The following POLR3A variants were observed in gnomAD, a reference collection of about 807,000 sequenced individuals.
POLR3A encodes the protein DNA-directed RNA polymerase III subunit RPC1.
Under a neutral mutation model 152.8 loss-of-function variants are expected in POLR3A, and 112 were observed. The observed-to-expected ratio is 0.73, with a 90% CI of 0.63 to 0.86. The LOEUF (loss-of-function observed/expected upper bound fraction) is 0.86. Among genes scored for constraint, POLR3A ranks in the 40% least tolerant of loss-of-function variants. The probability of loss-of-function intolerance (pLI) is 0.00; values close to 1 mark genes in which losing one functional copy is unlikely to be tolerated. For missense variants in POLR3A, 1,385 were observed against 1,743.1 expected (o/e 0.79, Z 3.66); for synonymous variants, 615 against 652.1 (o/e 0.94, Z 0.87).
intron 4 of POLR3A, 77 bp downstream of exon 4, chr10:78,024,894 T>C (rs997311915): frequency 3.2e-6 from 5 of 1,562,020 alleles, no homozygotes; most frequent in Non-Finnish European, 4.4e-6. Context: ...TCCCGAACAT[T>C]ATGTAAACCT....
chr10:77,998,085 A>G (rs945913159), intron 19 of POLR3A, among the ~76,000 whole-genome samples: 46 of 152,294 alleles, frequency 3.0e-4, no homozygotes, highest in African/African-American at 9.9e-4. Flanking sequence ...GGTGCTGGGA[A>G]AACTGGGTAG....
intron 15 of POLR3A, 27 bp from the exon 16 acceptor site, chr10:78,004,915 A>G: frequency 1.2e-6 from 2 of 1,607,060 alleles, no homozygotes; most frequent in East Asian, 2.2e-5. Flanking sequence ...GCAGGAAGAA[A>G]GGGCCATAAA....
At chr10:77,999,957 A>G in intron 19 of POLR3A, 24 bp downstream of exon 19, 1 of 1,613,018 alleles carries the variant, frequency 6.2e-7, no homozygotes, top group Non-Finnish European at 8.5e-7. Context: ...TCTGTTGCTA[A>G]TGGCCTACAT....
At chr10:78,000,744 G>C (rs922502322) in intron 18 of POLR3A, among the ~76,000 whole-genome samples, 1 of 152,120 alleles carries the variant, frequency 6.6e-6, no homozygotes, top group Non-Finnish European at 1.5e-5. Flanking sequence ...TTGGCCAGAC[G>C]AACTCCTGGC....
Position 77,982,196 on chromosome 10 carries a change from G to A in POLR3A, c.3717C>T (p.His1239=), listed in dbSNP as rs369164731. 1.7e-5 allele frequency: 27 copies of A among 1,613,866 alleles called. No individual in the cohort carries two copies. Among genetic ancestry groups the A allele is most frequent in the Admixed American group, 5.0e-5 (3 of 59,970 alleles). ...GDNLRAVMAT[H]GVKGTRTTSN... The stretch of plus-strand genomic sequence containing the variant: ...AGGTGGTTCGGGTGCCCTTCACACC[G>A]TGTGTGGCCATGACTGCCCGCAGGT... The change falls in exon 28 of 31, where the codon CAC becomes CAT. Residue 1239 remains histidine, a synonymous_variant. Coordinates refer to ENST00000372371, the MANE Select transcript of POLR3A (RefSeq NM_007055.4).
chr10:77,984,326 C>G, intron 24 of POLR3A, 28 bp from the exon 25 acceptor site: 1 of 1,355,768 alleles, frequency 7.4e-7, no homozygotes, highest in Non-Finnish European at 1.1e-6. Flanking sequence ...AAAAATGGCA[C>G]TAGCACAAGG....
intron 5 of POLR3A, among the ~76,000 whole-genome samples, chr10:78,024,116 C>G (rs1377137164): frequency 6.6e-6 from 1 of 152,078 alleles, no homozygotes; most frequent in East Asian, 1.9e-4. Context: ...GTAATCTTAG[C>G]ACTTTGGGAG....
chr10:78,021,789 C>T (rs916822616), intron 7 of POLR3A, 71 bp downstream of exon 7: 14 of 1,609,770 alleles, frequency 8.7e-6, no homozygotes, highest in East Asian at 2.2e-5. Context: ...ATCAGAGAAG[C>T]TGGACAGACA....
intron 19 of POLR3A, among the ~76,000 whole-genome samples, chr10:77,996,594 C>T (rs1847303115): frequency 6.6e-6 from 1 of 151,990 alleles, no homozygotes; most frequent in Non-Finnish European, 1.5e-5. Context: ...CACATACATC[C>T]TCCCAAGACT....
intron 17 of POLR3A, 151 bp from the exon 18 acceptor site, chr10:78,001,245 A>C (rs181010111): frequency 8.3e-6 from 5 of 599,922 alleles, no homozygotes; most frequent in African/African-American, 5.5e-5. Context: ...CAATCAAGAC[A>C]ACAAGGAGCT....
At chr10:78,024,884 T>C (rs1847616632) in intron 4 of POLR3A, 87 bp downstream of exon 4, 1 of 1,534,708 alleles carries the variant, frequency 6.5e-7, no homozygotes, top group African/African-American at 1.4e-5. Context: ...AAAAGCTGAC[T>C]CCCGAACATT....
chr10:78,009,176 A>T (rs1847439967), intron 14 of POLR3A, among the ~76,000 whole-genome samples: 1 of 149,082 alleles, frequency 6.7e-6, no homozygotes, highest in Non-Finnish European at 1.5e-5. Context: ...AAAAAAAAAA[A>T]AATTAAATGC....
chr10:78,011,968 G>C (rs1227308231), intron 11 of POLR3A, among the ~76,000 whole-genome samples: 1 of 152,140 alleles, frequency 6.6e-6, no homozygotes, highest in Non-Finnish European at 1.5e-5. Flanking sequence ...TGGCAGAGTT[G>C]ACAGCAAAGT....
intron 17 of POLR3A, among the ~76,000 whole-genome samples, chr10:78,001,646 T>C (rs1331038837): frequency 6.6e-6 from 1 of 152,212 alleles, no homozygotes; most frequent in Admixed American, 6.5e-5. Flanking sequence ...CCTCGGTATC[T>C]ACAAAATAGA....
intron 18 of POLR3A, 68 bp downstream of exon 18, chr10:78,000,908 C>G: frequency 1.2e-6 from 1 of 845,054 alleles, no homozygotes; most frequent in Non-Finnish European, 2.0e-6. Flanking sequence ...CTGAATAGGT[C>G]TGTGTTCCTT....
chr10:78,016,859 G>A (rs1847529424), intron 10 of POLR3A, among the ~76,000 whole-genome samples: 1 of 146,544 alleles, frequency 6.8e-6, no homozygotes, highest in African/African-American at 2.5e-5. Context: ...GGGTAACAGA[G>A]TGAGACTGTC....
chr10:77,982,705 C>A lies in POLR3A; in HGVS notation c.3542G>T (p.Ser1181Ile). Residue 1181 changes from serine to isoleucine, a missense_variant, in exon 27 of 31, where the codon AGC becomes ATC. Physicochemically the swap from Ser to Ile is moderately radical, Grantham distance 142 (BLOSUM62 -2). Coordinates refer to ENST00000372371, the MANE Select transcript of POLR3A (RefSeq NM_007055.4). ...CAGCACGTAGTACATGGAGCTCTTG[C>A]TGTTCTCTCTGGGGGTGACACACAC... ...AVVCVTPRENSKSSMYYVLQF... is the reference protein window; with the variant it reads ...AVVCVTPRENIKSSMYYVLQF... 1 of 1,613,950 alleles carries A rather than the reference C, an allele frequency of 6.2e-7. No homozygotes were observed. The highest frequency in any genetic ancestry group is 8.5e-7 in the Non-Finnish European group (1 of 1,179,958).
intron 10 of POLR3A, among the ~76,000 whole-genome samples, chr10:78,016,851 G>T (rs1396365180): frequency 6.8e-6 from 1 of 147,260 alleles, no homozygotes; most frequent in East Asian, 2.0e-4. Flanking sequence ...TCCAGCCTGG[G>T]TAACAGAGTG....
chr10:77,978,737 T>G (rs939892637), intron 30 of POLR3A, among the ~76,000 whole-genome samples: 12 of 149,872 alleles, frequency 8.0e-5, no homozygotes, highest in African/African-American at 2.5e-4. Context: ...CTCGGCTCAC[T>G]GCAACCTCTG....
Sources: gnomAD v4.1 joint callset for allele counts (sites outside exome capture counted in the v4.1 genomes callset) on GRCh38, gnomAD v4.1.1 for gene constraint, MANE v1.5 for transcripts, NCBI Gene and HGNC (gene_info 2026-07-23, HGNC 2026-07-21) for gene names.